RNF216: variants seen among roughly 807,000 people sequenced by gnomAD.
RNF216 encodes the protein E3 ubiquitin-protein ligase RNF216.
Under a neutral mutation model 110.8 loss-of-function variants are expected in RNF216, and 72 were observed. The observed-to-expected ratio is 0.65, with a 90% CI of 0.54 to 0.79. The LOEUF is 0.79. Among genes scored for constraint, RNF216 ranks in the 30% least tolerant of loss-of-function variants. The pLI, the probability that RNF216 is intolerant of heterozygous loss-of-function variation, is 0.00. For missense variants in RNF216, 1,342 were observed against 1,141.2 expected (o/e 1.18, Z -2.54); for synonymous variants, 495 against 407.5 (o/e 1.21, Z -2.59).
chr7:5,778,879 G>A (rs1460781389), intron 1 of RNF216, among the ~76,000 whole-genome samples: 1 of 152,204 alleles, frequency 6.6e-6, no homozygotes, highest in Admixed American at 6.5e-5. Flanking sequence ...CAGTAGCTGG[G>A]ATTACAGGCG....
chr7:5,674,308 G>GT (rs1790125466), intron 13 of RNF216, among the ~76,000 whole-genome samples: 1 of 152,014 alleles, frequency 6.6e-6, no homozygotes, highest in Non-Finnish European at 1.5e-5. Flanking sequence ...GATTACAAGC[G>GT]TAAGCCACTG....
chr7:5,707,827 G>A (rs1197248428), intron 13 of RNF216, among the ~76,000 whole-genome samples: 1 of 148,196 alleles, frequency 6.7e-6, no homozygotes, highest in Admixed American at 6.9e-5. Context: ...TGGTTCAAGC[G>A]ATTCTCTCCT....
chr7:5,727,911 C>A (rs1315040628), intron 7 of RNF216, among the ~76,000 whole-genome samples: 1 of 151,430 alleles, frequency 6.6e-6, no homozygotes, highest in Non-Finnish European at 1.5e-5. Context: ...TGATGACTCT[C>A]AAAGTCCTAT....
In RNF216 at chr7:5,698,426, C is replaced by T. The variant is rs577445832; in HGVS notation, c.2061+13335G>A. ...ACACACACACACACATACACACACA[C>T]GCATGCATGCTGGAGTACAGTGGCA... On this transcript the variant is annotated intron_variant, in intron 13 of 16. Coordinates refer to ENST00000389902, the MANE Select transcript of RNF216 (RefSeq NM_207111.4). 8.1e-5 allele frequency among the ~76,000 whole-genome samples: 12 copies of T among 148,662 alleles called. No individual in the cohort carries two copies. The East Asian group carries it at 1.6e-3, about 20-fold the overall frequency.
chr7:5,716,226 C>T (rs1793054010), intron 10 of RNF216, among the ~76,000 whole-genome samples: 1 of 151,992 alleles, frequency 6.6e-6, no homozygotes, highest in African/African-American at 2.4e-5. Flanking sequence ...TAGAAAGGGT[C>T]AGTAGCCAGG....
intron 5 of RNF216, among the ~76,000 whole-genome samples, chr7:5,736,126 C>G (rs1446227856): frequency 6.6e-6 from 1 of 151,910 alleles, no homozygotes; most frequent in East Asian, 1.9e-4. Context: ...TCTCCCTGTC[C>G]CTGTCCCTGT....
At position 5,729,624 on chromosome 7, in the gene RNF216, G is replaced by A. The variant is rs58571278; in HGVS notation, c.1225-28C>T. The stretch of plus-strand genomic sequence containing the variant: ...GAAATGAGAGAGAAGCATAAAATCA[G>A]AGGCCAGGCAGTACATTTCCCATAC... On this transcript the variant is annotated intron_variant, in intron 6 of 16. Coordinates refer to ENST00000389902, the MANE Select transcript of RNF216 (RefSeq NM_207111.4). The A allele has an allele frequency of 0.012, 18,384 of 1,593,206 alleles. 1,819 individuals carry two copies. The African/African-American group carries it at 0.22, about 19-fold the overall frequency.
chr7:5,691,223 A>AG (rs1286253357), intron 13 of RNF216, among the ~76,000 whole-genome samples: 7 of 152,214 alleles, frequency 4.6e-5, no homozygotes, highest in Non-Finnish European at 8.8e-5. Context: ...CCCATGGTGA[A>AG]GGGGAGACAA....
chr7:5,714,231 G>A (rs1369862634), intron 11 of RNF216, among the ~76,000 whole-genome samples: 2 of 152,112 alleles, frequency 1.3e-5, no homozygotes, highest in African/African-American at 4.8e-5. Context: ...AAAGTGCTGG[G>A]ATTACAGGCA....
intron 15 of RNF216, among the ~76,000 whole-genome samples, chr7:5,634,839 G>A (rs1019954242): frequency 2.0e-5 from 3 of 152,360 alleles, no homozygotes; most frequent in Non-Finnish European, 4.4e-5. Flanking sequence ...CCCTGCTTGG[G>A]AAAGCCCTCA....
At chr7:5,647,580 C>T (rs1305561187) in intron 14 of RNF216, among the ~76,000 whole-genome samples, 6 of 151,916 alleles carry the variant, frequency 3.9e-5, no homozygotes, top group South Asian at 2.1e-4. Flanking sequence ...GCAATCCTTC[C>T]GCCTTGGCCT....
At chr7:5,758,369 T>G (rs1795757004) in intron 2 of RNF216, among the ~76,000 whole-genome samples, 1 of 152,234 alleles carries the variant, frequency 6.6e-6, no homozygotes, top group African/African-American at 2.4e-5. Flanking sequence ...GTGCATAGCT[T>G]GAGCAATTTT....
chr7:5,626,035 G>A (rs1786682174), intron 15 of RNF216, among the ~76,000 whole-genome samples: 1 of 152,222 alleles, frequency 6.6e-6, no homozygotes, highest in Non-Finnish European at 1.5e-5. Context: ...GGCATGAAGA[G>A]AGGAGAGGTG....
At chr7:5,677,220 A>G (rs1320926802) in intron 13 of RNF216, among the ~76,000 whole-genome samples, 1 of 152,238 alleles carries the variant, frequency 6.6e-6, no homozygotes, top group Non-Finnish European at 1.5e-5. Context: ...GAGACTGCTC[A>G]GCACGTGCTT....
chr7:5,645,779 A>G (rs1788014479), intron 14 of RNF216, among the ~76,000 whole-genome samples: 1 of 151,944 alleles, frequency 6.6e-6, no homozygotes, highest in African/African-American at 2.4e-5. Flanking sequence ...TTAGTAGAGA[A>G]AGGTTTCACC....
intron 3 of RNF216, among the ~76,000 whole-genome samples, chr7:5,747,529 A>G (rs1795090242): frequency 6.6e-6 from 1 of 152,336 alleles, no homozygotes; most frequent in South Asian, 2.1e-4. Flanking sequence ...TGTTATCTGA[A>G]AGCAAAATAG....
In RNF216 at chr7:5,623,151, C is replaced by G; in HGVS notation, c.2481G>C (p.Pro827=). 1.3e-6 allele frequency: 2 copies of G among 1,579,510 alleles called. No homozygotes were observed. The highest frequency in any genetic ancestry group is 1.1e-5 in the South Asian group (1 of 87,020). The change falls in exon 17 of 17, where the codon CCG becomes CCC. Residue 827 remains proline, a synonymous_variant. Transcript: ENST00000389902. ...GCACCTTCTCCACAGGCTTCTCCAG[C>G]GGGGGTCCAATGCGTTTGAAGGTGT... The part of the protein sequence containing the change: ...GENTFKRIGP[P]LEKPVEKVQR...
intron 7 of RNF216, among the ~76,000 whole-genome samples, chr7:5,727,268 G>A (rs1162017391): frequency 1.3e-5 from 2 of 152,174 alleles, no homozygotes; most frequent in East Asian, 3.8e-4. Flanking sequence ...TATCAAAGGA[G>A]CTGTTTATCT....
intron 14 of RNF216, among the ~76,000 whole-genome samples, chr7:5,648,737 AAAAAG>A (rs1788203570): frequency 2.0e-5 from 3 of 151,642 alleles, no homozygotes; most frequent in Non-Finnish European, 2.9e-5. Flanking sequence ...CAAAAAAAAA[AAAAAG>A]AAAAGAAAAA....
Sources: allele counts gnomAD v4.1 joint callset (sites outside exome capture counted in the v4.1 genomes callset), GRCh38; gene constraint gnomAD v4.1.1; transcripts MANE v1.5; gene names NCBI Gene and HGNC (gene_info 2026-07-23, HGNC 2026-07-21).